Variants in ATP2B2 observed in about 807,000 individuals in gnomAD.
ATP2B2 encodes the protein ATPase plasma membrane Ca2+ transporting 2.
ATP2B2 carries 15 observed loss-of-function variants against 120.0 expected under a neutral mutation model. The observed-to-expected ratio is 0.12, with a 90% CI of 0.08 to 0.19. ATP2B2 has a LOEUF of 0.19. Ranked by LOEUF, ATP2B2 falls within the 10% of genes least tolerant of loss-of-function variation. ATP2B2 has a pLI of 1.00. For synonymous variants in ATP2B2, 694 were observed against 700.3 expected (o/e 0.99, Z 0.14); for missense variants, 1,045 against 1,719.8 (o/e 0.61, Z 6.94).
chr3:10,356,142 TTGTGCGTGTGTGCGTG>T (rs200103807), intron 14 of ATP2B2, among the ~76,000 whole-genome samples: 1 of 61,264 alleles, frequency 1.6e-5, no homozygotes, highest in African/African-American at 4.2e-5. Flanking sequence ...GTCCTTTCCT[TTGTGCGTGTGTGCGTG>T]TGTGTGTGTG....
intron 2 of ATP2B2, among the ~76,000 whole-genome samples, chr3:10,563,510 C>T (rs552697853): frequency 8.5e-5 from 13 of 152,354 alleles, no homozygotes; most frequent in Non-Finnish European, 1.3e-4. Context: ...TTGGGGTTGA[C>T]GTGTAAGGTC....
chr3:10,380,826 C>T (rs1206728408), intron 8 of ATP2B2, among the ~76,000 whole-genome samples: 2 of 152,230 alleles, frequency 1.3e-5, no homozygotes, highest in African/African-American at 4.8e-5. Flanking sequence ...GAGACATTCA[C>T]CTCCCAGAGT....
intron 6 of ATP2B2, among the ~76,000 whole-genome samples, chr3:10,387,359 C>A (rs536499429): frequency 3.9e-5 from 6 of 152,312 alleles, no homozygotes; most frequent in Non-Finnish European, 7.3e-5. Flanking sequence ...CCTGATTAGC[C>A]TCTGAGAGCT....
intron 21 of ATP2B2, among the ~76,000 whole-genome samples, chr3:10,339,574 G>T (rs2060218245): frequency 6.6e-6 from 1 of 152,168 alleles, no homozygotes; most frequent in South Asian, 2.1e-4. Context: ...AAACGAATTG[G>T]TGGGAGAATA....
chr3:10,372,771 T>A (rs3821776), intron 11 of ATP2B2, among the ~76,000 whole-genome samples: 3 of 152,220 alleles, frequency 2.0e-5, no homozygotes, highest in African/African-American at 7.2e-5. Context: ...AATATTCCTA[T>A]ACACAATATT....
intron 1 of ATP2B2, among the ~76,000 whole-genome samples, chr3:10,643,611 C>T (rs933164649): frequency 1.3e-5 from 2 of 152,174 alleles, no homozygotes; most frequent in Non-Finnish European, 2.9e-5. Context: ...GCTAAGAACA[C>T]GTAACTGGAA....
chr3:10,661,314 G>A (rs543348505), intron 1 of ATP2B2, among the ~76,000 whole-genome samples: 2 of 152,252 alleles, frequency 1.3e-5, no homozygotes, highest in East Asian at 3.9e-4. Context: ...AATTGTCTCT[G>A]TTTGCAGATG....
chr3:10,361,642 C>T (rs756141138), intron 12 of ATP2B2, among the ~76,000 whole-genome samples: 2 of 152,234 alleles, frequency 1.3e-5, no homozygotes, highest in Non-Finnish European at 2.9e-5. Context: ...CTGTTTCATG[C>T]CTCTGTGCCT....
chr3:10,547,449 G>A (rs1244851610), intron 2 of ATP2B2, among the ~76,000 whole-genome samples: 2 of 152,180 alleles, frequency 1.3e-5, no homozygotes, highest in African/African-American at 2.4e-5. Flanking sequence ...TTCTTAGAGA[G>A]AGGAAGTCGC....
chr3:10,465,289 C>G (rs923064406), intron 1 of ATP2B2, among the ~76,000 whole-genome samples: 4 of 152,266 alleles, frequency 2.6e-5, no homozygotes, highest in African/African-American at 9.6e-5. Flanking sequence ...GCAGCCTCTC[C>G]TTGTCCCCAG....
chr3:10,525,739 G>A (rs2067078314), intron 3 of ATP2B2, among the ~76,000 whole-genome samples: 1 of 151,836 alleles, frequency 6.6e-6, no homozygotes, highest in African/African-American at 2.4e-5. Context: ...TAATCTGGGC[G>A]GTGGTTACAC....
chr3:10,510,092 T>G (rs182724004), upstream of ATP2B2, among the ~76,000 whole-genome samples: 171 of 152,302 alleles, frequency 1.1e-3, no homozygotes, highest in Non-Finnish European at 2.1e-3. Context: ...GGTTCCCAGA[T>G]AGCATCTGCA....
In ATP2B2 at chr3:10,375,667, T is replaced by C; in HGVS notation, c.1202-23A>G. On this transcript the variant is annotated intron_variant, in intron 10 of 22. Coordinates refer to ENST00000360273, the MANE Select transcript of ATP2B2 (RefSeq NM_001001331.4). The surrounding 1 kb of genome is among the most constrained non-coding windows in gnomAD (Gnocchi z 4.2). ...AGCCTGCAATGTGAGGGACACATGC[T>C]TGGGGGGTTCCAGGAAGTGGAGGCT... is the stretch of plus-strand genomic sequence containing the variant. 1 of 1,606,184 alleles carries C rather than the reference T, an allele frequency of 6.2e-7. No homozygotes were observed.
At chr3:10,663,774 G>A (rs758119896) in intron 1 of ATP2B2, among the ~76,000 whole-genome samples, 3 of 152,166 alleles carry the variant, frequency 2.0e-5, no homozygotes, top group Non-Finnish European at 4.4e-5. Flanking sequence ...GATATGGCAA[G>A]GACCACCTCC....
intron 1 of ATP2B2, among the ~76,000 whole-genome samples, chr3:10,643,581 AC>A (rs2070234778): frequency 6.6e-6 from 1 of 152,222 alleles, no homozygotes; most frequent in Non-Finnish European, 1.5e-5. Context: ...GAAAGACAGC[AC>A]CACCAAGGTG....
intron 12 of ATP2B2, among the ~76,000 whole-genome samples, chr3:10,368,653 T>G (rs1325019779): frequency 6.6e-6 from 1 of 151,376 alleles, no homozygotes; most frequent in African/African-American, 2.4e-5. Flanking sequence ...TCCATCCATC[T>G]ATTCATCCAT....
At chr3:10,507,978 C>T (rs372888309), upstream of ATP2B2, among the ~76,000 whole-genome samples, 285 of 152,212 alleles carry the variant, frequency 1.9e-3, 1 homozygote, top group African/African-American at 6.4e-3. Context: ...GACACTCGTC[C>T]GCTCCCAAGT....
chr3:10,666,798 C>T (rs12637011), intron 1 of ATP2B2, among the ~76,000 whole-genome samples: 6,488 of 152,252 alleles, frequency 0.043, 158 homozygotes, highest in East Asian at 0.08. Context: ...CACGAAGCCC[C>T]GCCCTGAGAC....
intron 12 of ATP2B2, among the ~76,000 whole-genome samples, chr3:10,363,261 T>A (rs1217809400): frequency 6.6e-6 from 1 of 152,352 alleles, no homozygotes; most frequent in East Asian, 1.9e-4. Context: ...CTTTTTGAGA[T>A]CCTGACAAAC....
Sources: gnomAD v4.1 joint callset for allele counts (sites outside exome capture counted in the v4.1 genomes callset) on GRCh38, gnomAD v4.1.1 for gene constraint, Gnocchi (gnomAD v3.1) non-coding constraint, MANE v1.5 for transcripts, NCBI Gene and HGNC (gene_info 2026-07-23, HGNC 2026-07-21) for gene names.